Variants in BCAS3 observed in about 807,000 individuals in gnomAD.
BCAS3 encodes BCAS3 microtubule associated cell migration factor, also known as BCAS4/BCAS3 fusion.
A neutral mutation model predicts 116.1 loss-of-function variants in BCAS3; 53 were observed. That is an observed-to-expected ratio of 0.46 (90% CI 0.37 to 0.57). BCAS3 has a LOEUF of 0.57. BCAS3 is among the 20% of genes least tolerant of loss of function. The pLI, the probability that BCAS3 is intolerant of heterozygous loss-of-function variation, is 0.00. For synonymous variants in BCAS3, 391 were observed against 408.2 expected (o/e 0.96, Z 0.51); for missense variants, 917 against 1,165.4 (o/e 0.79, Z 3.10).
At chr17:61,240,158 G>C (rs2047385337) in intron 22 of BCAS3, among the ~76,000 whole-genome samples, 1 of 152,136 alleles carries the variant, frequency 6.6e-6, no homozygotes, top group African/African-American at 2.4e-5. Flanking sequence ...TTGAATGCCT[G>C]CTCTATCATA....
intron 11 of BCAS3, among the ~76,000 whole-genome samples, chr17:60,904,469 C>T (rs759626074): frequency 1.3e-5 from 2 of 151,914 alleles, no homozygotes; most frequent in Non-Finnish European, 2.9e-5. Flanking sequence ...TTTCTCATAC[C>T]TCAATATTGG....
intron 4 of BCAS3, among the ~76,000 whole-genome samples, chr17:60,704,528 G>A (rs1192631760): frequency 6.6e-6 from 1 of 152,112 alleles, no homozygotes; most frequent in East Asian, 1.9e-4. Flanking sequence ...TACCTGGCCA[G>A]TAAGAGACTG....
At chr17:60,903,938 G>A (rs1304072729) in intron 11 of BCAS3, among the ~76,000 whole-genome samples, 2 of 152,110 alleles carry the variant, frequency 1.3e-5, no homozygotes, top group African/African-American at 2.4e-5. Flanking sequence ...CATGGGTCAC[G>A]ATAGTTTAGC....
chr17:60,849,581 C>T (rs1418608975), intron 7 of BCAS3, among the ~76,000 whole-genome samples: 3 of 152,082 alleles, frequency 2.0e-5, no homozygotes, highest in Non-Finnish European at 4.4e-5. Flanking sequence ...GATTTTCTCT[C>T]AAGGAAAGCT....
chr17:60,708,217 T>C (rs2143997438), intron 4 of BCAS3, among the ~76,000 whole-genome samples: 1 of 151,262 alleles, frequency 6.6e-6, no homozygotes, highest in South Asian at 2.1e-4. Context: ...CCCAGCTGCT[T>C]GGGAGGCTGA....
chr17:61,084,371 T>C lies in BCAS3; in HGVS notation c.2328-96T>C. The C allele has an allele frequency of 2.2e-6, 2 of 910,060 alleles. No homozygotes were observed. Among genetic ancestry groups the C allele is most frequent in the South Asian group, 3.3e-5 (2 of 60,624 alleles). The allele number at this position is 910,060 out of a possible 1,614,324, so 56.4% of individuals were successfully genotyped here. Reference sequence around the variant, plus strand: ...TTAGAATGGATGGTTCTTTAATGGATTGTGCTACTCCAGCATTCCTGATTT... The same window carrying C: ...TTAGAATGGATGGTTCTTTAATGGACTGTGCTACTCCAGCATTCCTGATTT... On this transcript the variant is annotated intron_variant, in intron 21 of 23. Coordinates refer to ENST00000407086, the MANE Select transcript of BCAS3 (RefSeq NM_017679.5). The surrounding 1 kb of genome is among the most constrained non-coding windows in gnomAD (Gnocchi z 5.5).
At chr17:60,781,338 C>G (rs912715080) in intron 6 of BCAS3, among the ~76,000 whole-genome samples, 3 of 151,780 alleles carry the variant, frequency 2.0e-5, no homozygotes, top group Admixed American at 6.6e-5. Flanking sequence ...GTGGTTCACA[C>G]CTGTAATCCC....
chr17:60,763,678 C>T (rs1477736901), intron 6 of BCAS3, among the ~76,000 whole-genome samples: 1 of 152,124 alleles, frequency 6.6e-6, no homozygotes, highest in Non-Finnish European at 1.5e-5. Flanking sequence ...GTGTCTCTGC[C>T]AGGCTTTGGT....
Position 61,337,159 on chromosome 17 carries a change from A to G in BCAS3, c.2426-31168A>G, listed in dbSNP as rs994033380. 1.3e-5 allele frequency among the ~76,000 whole-genome samples: 2 copies of G among 152,056 alleles called. No individual in the cohort carries two copies. The highest frequency in any genetic ancestry group is 4.8e-5 in the African/African-American group (2 of 41,418). On this transcript the variant is annotated intron_variant, in intron 22 of 23. Coordinates refer to ENST00000407086, the MANE Select transcript of BCAS3 (RefSeq NM_017679.5). The surrounding 1 kb of genome is among the most constrained non-coding windows in gnomAD (Gnocchi z 4.8). The stretch of plus-strand genomic sequence containing the variant: ...TTATCCTTTCTGAACTCCAAGCCTG[A>G]TATTTCTGCCCAGGCTCCCTTTTTT...
intron 4 of BCAS3, among the ~76,000 whole-genome samples, chr17:60,703,771 G>A (rs1318308899): frequency 4.0e-5 from 6 of 151,274 alleles, no homozygotes; most frequent in East Asian, 3.9e-4. Flanking sequence ...AAAATTAGCC[G>A]GGCGCGGTGG....
At chr17:61,374,319 T>TG (rs2059224916) in intron 23 of BCAS3, among the ~76,000 whole-genome samples, 1 of 151,596 alleles carries the variant, frequency 6.6e-6, no homozygotes. Context: ...TACAGGCATA[T>TG]GCCACCACAC....
chr17:60,753,277 G>A lies in BCAS3; in HGVS notation c.403+5998G>A, dbSNP rs976812663. 4.0e-5 allele frequency among the ~76,000 whole-genome samples: 6 copies of A among 151,500 alleles called. No homozygotes were observed. In the East Asian group the frequency reaches 1.2e-3, roughly 29 times the overall value. ...TTTACTAGGTTATTATTAATCTTTA[G>A]TTTCATACTAAGAAAATCCTTCTGT... On this transcript the variant is annotated intron_variant, in intron 6 of 23. Transcript: ENST00000407086.
At position 61,021,427 on chromosome 17, in the gene BCAS3, T is replaced by G. The variant is rs991429815; in HGVS notation, c.1637+5526T>G. Among the ~76,000 whole-genome samples the G allele has an allele frequency of 3.3e-5, 5 of 152,042 alleles. No individual in the cohort carries two copies. Among genetic ancestry groups the G allele is most frequent in the African/African-American group, 1.2e-4 (5 of 41,388 alleles). On this transcript the variant is annotated intron_variant, in intron 16 of 23. Transcript: ENST00000407086. The surrounding 1 kb of genome is among the most constrained non-coding windows in gnomAD (Gnocchi z 4.6). The stretch of plus-strand genomic sequence containing the variant: ...AAGCTTCAGATGCACCCTGTAGAAG[T>G]AGGTTAAGTAATGTAGTGGAAAAAA...
chr17:60,827,425 G>A (rs887733786), intron 7 of BCAS3, among the ~76,000 whole-genome samples: 13 of 152,286 alleles, frequency 8.5e-5, no homozygotes, highest in African/African-American at 3.1e-4. Flanking sequence ...TCTGGTGCTT[G>A]TGCTACAGAT....
intron 11 of BCAS3, among the ~76,000 whole-genome samples, chr17:60,904,267 G>T (rs2058072591): frequency 6.6e-6 from 1 of 152,084 alleles, no homozygotes; most frequent in Non-Finnish European, 1.5e-5. Flanking sequence ...AGCTGGGCAT[G>T]GTGGCGGGTG....
intron 22 of BCAS3, among the ~76,000 whole-genome samples, chr17:61,221,995 C>T (rs757677274): frequency 4.6e-5 from 7 of 152,152 alleles, no homozygotes; most frequent in Non-Finnish European, 7.4e-5. Context: ...ACCTGGCACA[C>T]GGTGACGTGC....
At chr17:61,340,480 T>C (rs1346076749) in intron 22 of BCAS3, among the ~76,000 whole-genome samples, 10 of 151,936 alleles carry the variant, frequency 6.6e-5, no homozygotes, top group Admixed American at 5.2e-4. Flanking sequence ...AACGATGAAG[T>C]AATCATTTAG....
intron 6 of BCAS3, among the ~76,000 whole-genome samples, chr17:60,754,345 C>T (rs1232933286): frequency 6.6e-6 from 1 of 152,080 alleles, no homozygotes; most frequent in African/African-American, 2.4e-5. Context: ...GCTGAGACCA[C>T]AGGCGTGTGC....
chr17:60,768,860 A>G (rs1162566236), intron 6 of BCAS3, among the ~76,000 whole-genome samples: 1 of 152,296 alleles, frequency 6.6e-6, no homozygotes, highest in Non-Finnish European at 1.5e-5. Context: ...CTTGTTTAGC[A>G]GTGGTGGGCC....
Sources: gnomAD v4.1 joint callset for allele counts (sites outside exome capture counted in the v4.1 genomes callset) on GRCh38, gnomAD v4.1.1 for gene constraint, Gnocchi (gnomAD v3.1) non-coding constraint, MANE v1.5 for transcripts, NCBI Gene and HGNC (gene_info 2026-07-23, HGNC 2026-07-21) for gene names.